Variants in ATP12A observed in about 807,000 individuals in gnomAD.
ATP12A encodes potassium-transporting ATPase alpha chain 2.
A neutral mutation model predicts 111.2 loss-of-function variants in ATP12A; 81 were observed. The ratio of observed to expected loss-of-function variants is 0.73; its 90% CI spans 0.61 to 0.88. The LOEUF (loss-of-function observed/expected upper bound fraction) is 0.88, where lower values mean the gene tolerates loss of function less well. Among genes scored for constraint, ATP12A ranks in the 40% least tolerant of loss-of-function variants. The pLI, the probability that ATP12A is intolerant of heterozygous loss-of-function variation, is 0.00. For missense variants in ATP12A, 1,196 were observed against 1,313.1 expected (o/e 0.91, Z 1.38); for synonymous variants, 498 against 499.8 (o/e 1.00, Z 0.05).
chr13:24,692,953 A>T, intron 10 of ATP12A, 57 bp downstream of exon 10: 1 of 1,482,374 alleles, frequency 6.7e-7, no homozygotes. Context: ...TCACTTGCTG[A>T]GGTCTGATTG....
At position 24,697,399 on chromosome 13, in the gene ATP12A, C is replaced by T. The variant is rs114166578; in HGVS notation, c.1513-1259C>T. 8.5e-3 allele frequency among the ~76,000 whole-genome samples: 1,297 copies of T among 152,058 alleles called. 23 individuals are homozygous for T. Among genetic ancestry groups the T allele is most frequent in the African/African-American group, 0.028 (1,141 of 41,480 alleles). On this transcript the variant is annotated intron_variant, in intron 11 of 22. Transcript: ENST00000381946. ...CTGTAATCACAGCACTTTGGGAGAT[C>T]GAAGAAGGCAGATTGCTTGAGCCCA...
intron 10 of ATP12A, 38 bp downstream of exon 10, chr13:24,692,934 A>G (rs374909596): frequency 6.3e-7 from 1 of 1,578,456 alleles, no homozygotes; most frequent in Admixed American, 1.7e-5. Context: ...AATCACAGCC[A>G]GTTTGTAGTC....
rs1185004778 is a variant in ATP12A, at chr13:24,680,637, AGCCACT to A, written c.-95_-90del. 1.3e-5 allele frequency: 17 copies of A among 1,340,980 alleles called. No individual in the cohort carries two copies. The highest frequency in any genetic ancestry group is 4.4e-5 in the Admixed American group (2 of 44,952). 83.1% of individuals were successfully genotyped at this position (1,340,980 alleles called of 1,614,324 possible). A position where few individuals can be genotyped will look rare whatever the true frequency, so the allele number is the denominator to read the frequency against. The stretch of plus-strand genomic sequence containing the variant: ...CCGGTATCTCCACCGCCAACACCTC[AGCCACT>A]GCCACTGCCACAGCCACACGAGGCC... On this transcript the variant is annotated 5_prime_UTR_variant, in exon 1 of 23. Coordinates refer to ENST00000381946, the MANE Select transcript of ATP12A (RefSeq NM_001676.7).
At position 24,688,333 on chromosome 13, in the gene ATP12A, C is replaced by T. The variant is rs1020433392; in HGVS notation, c.243C>T (p.Thr81=). 6.8e-6 allele frequency: 11 copies of T among 1,613,470 alleles called. No individual in the cohort carries two copies. The African/African-American group carries it at 9.3e-5, about 14-fold the overall frequency. ...GGCTTTCCCAGGGTCTCTCCAGCAC[C>T]AGAGCTGCCGAGCTCCTGGCCCGGG... ...GTDIIMGLSS[T]RAAELLARDG... The change falls in exon 4 of 23, where the codon ACC becomes ACT. Residue 81 remains threonine, a synonymous_variant. Transcript: ENST00000381946.
At chr13:24,697,461 TTATCTC>T (rs1363643661) in intron 11 of ATP12A, among the ~76,000 whole-genome samples, 13 of 151,822 alleles carry the variant, frequency 8.6e-5, no homozygotes, top group Admixed American at 7.9e-4. Context: ...TACCAAGACC[TTATCTC>T]TACAAAAAAA....
At chr13:24,686,291 T>C (rs1288778545) in intron 3 of ATP12A, among the ~76,000 whole-genome samples, 1 of 151,686 alleles carries the variant, frequency 6.6e-6, no homozygotes. Flanking sequence ...ATACAAACAA[T>C]TGGCAGGGCG....
chr13:24,711,302 A>T lies in ATP12A; in HGVS notation c.3000-16A>T. ...GTGGATGAGTCAGGGTTCACTTTCCATCCCTTTGCTTCCAGGGCTCAGTAC... is the reference window on the plus strand; with the variant it reads ...GTGGATGAGTCAGGGTTCACTTTCCTTCCCTTTGCTTCCAGGGCTCAGTAC... On this transcript the variant is annotated splice_polypyrimidine_tract_variant and intron_variant, in intron 21 of 22. Transcript: ENST00000381946. 1.9e-6 allele frequency: 3 copies of T among 1,583,522 alleles called. No individual in the cohort carries two copies. In the African/African-American group the frequency reaches 4.0e-5, roughly 21 times the overall value.
At chr13:24,690,064 T>A (rs1162239868) in intron 5 of ATP12A, among the ~76,000 whole-genome samples, 1 of 152,096 alleles carries the variant, frequency 6.6e-6, no homozygotes, top group African/African-American at 2.4e-5. Flanking sequence ...TTCCAAGAAC[T>A]CTCCATAAGC....
intron 14 of ATP12A, chr13:24,704,654 A>C: frequency 5.2e-6 from 1 of 193,388 alleles, no homozygotes; most frequent in Non-Finnish European, 1.1e-5. Flanking sequence ...TGCTTGTAGC[A>C]GACTCCAGAA....
chr13:24,686,998 C>T (rs1391607203), intron 3 of ATP12A, among the ~76,000 whole-genome samples: 1 of 151,994 alleles, frequency 6.6e-6, no homozygotes, highest in Non-Finnish European at 1.5e-5. Flanking sequence ...CTCCGGAACA[C>T]CCCTGAGGAA....
chr13:24,705,415 AGCCCCT>A (rs972323722), intron 14 of ATP12A, among the ~76,000 whole-genome samples: 1 of 152,196 alleles, frequency 6.6e-6, no homozygotes, highest in African/African-American at 2.4e-5. Flanking sequence ...CACGGTGGAA[AGCCCCT>A]GAAGAGTTTT....
chr13:24,686,128 T>A (rs1345312443), intron 3 of ATP12A, among the ~76,000 whole-genome samples: 2 of 152,092 alleles, frequency 1.3e-5, no homozygotes, highest in Non-Finnish European at 2.9e-5. Context: ...GAAATGAGGA[T>A]CTGAAATAAT....
rs1276366271 is a variant in ATP12A, at chr13:24,696,837, C to A, written c.1513-1821C>A. Among the ~76,000 whole-genome samples, 3 of 151,226 alleles carry A rather than the reference C, an allele frequency of 2.0e-5. No individual in the cohort carries two copies. The East Asian group carries it at 5.8e-4, about 29-fold the overall frequency. On this transcript the variant is annotated intron_variant, in intron 11 of 22. Transcript: ENST00000381946. Reference sequence around the variant, plus strand: ...GGGTCATTTTATATCTACACATGAGCGGTGCTCAGCCTCACCAGGGCTTTA... The same window carrying A: ...GGGTCATTTTATATCTACACATGAGAGGTGCTCAGCCTCACCAGGGCTTTA...
intron 7 of ATP12A, 86 bp downstream of exon 7, chr13:24,690,807 C>G: frequency 6.9e-7 from 1 of 1,446,242 alleles, no homozygotes; most frequent in South Asian, 1.3e-5. Context: ...TGCCACACCC[C>G]GTTACAAAGC....
Position 24,685,880 on chromosome 13 carries a change from T to G in ATP12A, c.228+507T>G, listed in dbSNP as rs1666633720. Among the ~76,000 whole-genome samples the G allele has an allele frequency of 6.6e-6, 1 of 152,148 alleles. No individual in the cohort carries two copies. The highest frequency in any genetic ancestry group is 6.5e-5 in the Admixed American group (1 of 15,282). ...AGAATCTGGGCTTGCCGGAAGCTAG[T>G]ATGTGTGGAGAGGGGACAGGTGCAG... is the stretch of plus-strand genomic sequence containing the variant. On this transcript the variant is annotated intron_variant, in intron 3 of 22. Coordinates refer to ENST00000381946, the MANE Select transcript of ATP12A (RefSeq NM_001676.7). The surrounding 1 kb of genome is among the most constrained non-coding windows in gnomAD (Gnocchi z 5.5).
intron 15 of ATP12A, 45 bp from the exon 16 acceptor site, chr13:24,706,978 C>T (rs2289907): frequency 0.02 from 30,495 of 1,544,508 alleles, 546 homozygotes; most frequent in African/African-American, 0.084. Flanking sequence ...CTGCAACCCA[C>T]TGGGCCTGCT....
In ATP12A at chr13:24,680,573, C is replaced by A. The variant is rs1874390881; in HGVS notation, c.-171C>A. The A allele has an allele frequency of 1.5e-6, 1 of 647,714 alleles. No homozygotes were observed. The highest frequency in any genetic ancestry group is 1.9e-5 in the African/African-American group (1 of 51,866). The allele number at this position is 647,714 out of a possible 1,614,324, so 40.1% of individuals were successfully genotyped here. The stretch of plus-strand genomic sequence containing the variant: ...GCCACCTCCCCGGTGCAGCGGCTGG[C>A]GATCGGCCGCGGAGGTGCGTGCAGG... On this transcript the variant is annotated 5_prime_UTR_variant, in exon 1 of 23. Transcript: ENST00000381946.
At chr13:24,700,596 C>A in intron 12 of ATP12A, 151 bp from the exon 13 acceptor site, 1 of 624,262 alleles carries the variant, frequency 1.6e-6, no homozygotes, top group Non-Finnish European at 2.6e-6. Context: ...TAAAAAAATG[C>A]ATTATGGAGT....
intron 1 of ATP12A, 31 bp from the exon 2 acceptor site, chr13:24,681,531 G>C (rs759326689): frequency 2.9e-5 from 47 of 1,601,102 alleles, no homozygotes; most frequent in Non-Finnish European, 3.9e-5. Flanking sequence ...CCCCATTTGG[G>C]GCCAATATTG....
Sources: allele counts gnomAD v4.1 joint callset (sites outside exome capture counted in the v4.1 genomes callset), GRCh38; gene constraint gnomAD v4.1.1; non-coding constraint Gnocchi (gnomAD v3.1); transcripts MANE v1.5; gene names NCBI Gene and HGNC (gene_info 2026-07-23, HGNC 2026-07-21).